Variants in DNAAF9 observed in about 807,000 individuals in gnomAD.
DNAAF9 encodes the protein shulin.
DNAAF9 carries 90 observed loss-of-function variants against 167.0 expected under a neutral mutation model. The ratio of observed to expected loss-of-function variants is 0.54; its 90% CI spans 0.45 to 0.64. The LOEUF (loss-of-function observed/expected upper bound fraction) is 0.64, where lower values mean the gene tolerates loss of function less well. Among genes scored for constraint, DNAAF9 ranks in the 30% least tolerant of loss-of-function variants. The pLI is 0.00. For missense variants in DNAAF9, 1,315 were observed against 1,442.2 expected (o/e 0.91, Z 1.43); for synonymous variants, 491 against 508.8 (o/e 0.96, Z 0.47).
At chr20:3,338,979 CTCAT>C (rs1347565441) in intron 10 of DNAAF9, among the ~76,000 whole-genome samples, 1 of 151,192 alleles carries the variant, frequency 6.6e-6, no homozygotes, top group Non-Finnish European at 1.5e-5. Context: ...TTTTTTTTCT[CTCAT>C]TGTTTTCTTC....
In DNAAF9 at chr20:3,348,558, G is replaced by A; in HGVS notation, c.756C>T (p.Phe252=). The A allele has an allele frequency of 6.2e-7, 1 of 1,602,700 alleles. No homozygotes were observed. The highest frequency in any genetic ancestry group is 1.1e-5 in the South Asian group (1 of 88,960). The stretch of plus-strand genomic sequence containing the variant: ...CCTGAGATTCTGAAAGTTCTAGCAG[G>A]AAAGGAATTTCTGTGTCAAAATTAG... ...FFANFDTEIP[F]LLELSESQAG... is the part of the protein sequence containing the mutation. Residue 252 remains phenylalanine (F), a synonymous_variant, in exon 8 of 37, where the codon TTC becomes TTT. Transcript: ENST00000252032.
intron 10 of DNAAF9, among the ~76,000 whole-genome samples, chr20:3,336,546 T>C (rs2069953919): frequency 6.6e-6 from 1 of 152,048 alleles, no homozygotes; most frequent in African/African-American, 2.4e-5. Flanking sequence ...TAAATTTGAC[T>C]ACTGTTATTT....
intron 20 of DNAAF9, among the ~76,000 whole-genome samples, chr20:3,310,333 A>AAAGAAAGAAAGAAAG (rs1555790607): frequency 8.5e-5 from 9 of 106,182 alleles, no homozygotes; most frequent in South Asian, 7.3e-4. Flanking sequence ...AAGAGAAAGA[A>AAAGAAAGAAAGAAAG]AAAGAAAGAA....
chr20:3,270,211 T>C (rs1210871160), intron 30 of DNAAF9, among the ~76,000 whole-genome samples: 4 of 150,174 alleles, frequency 2.7e-5, no homozygotes, highest in Admixed American at 1.3e-4. Flanking sequence ...GACACAATCA[T>C]TGCTCACTGC....
chr20:3,325,847 G>C (rs2069700843), intron 13 of DNAAF9, among the ~76,000 whole-genome samples: 1 of 150,698 alleles, frequency 6.6e-6, no homozygotes, highest in African/African-American at 2.4e-5. Context: ...AACTTTATTA[G>C]ATTTCACAGT....
In DNAAF9 at chr20:3,253,925, T is replaced by A. The variant is rs2068234834; in HGVS notation, c.3328-106A>T. The stretch of plus-strand genomic sequence containing the variant: ...TCCCTAGCAAGATAGACTACTCTGC[T>A]ATACAGAGGAGCTAGGAAGCTAACA... On this transcript the variant is annotated intron_variant, in intron 35 of 36. Transcript: ENST00000252032. The A allele has an allele frequency of 1.7e-4, 115 of 686,350 alleles. 2 individuals carry two copies. In the South Asian group the frequency reaches 1.8e-3, roughly 11 times the overall value. 42.5% of individuals were successfully genotyped at this position (686,350 alleles called of 1,614,324 possible).
chr20:3,371,333 CTTTTTTTTTTTT>C lies in DNAAF9; in HGVS notation c.612+2703_612+2714del, dbSNP rs532202424. Among the ~76,000 whole-genome samples the C allele has an allele frequency of 7.1e-5, 6 of 84,076 alleles. No homozygotes were observed. In the Admixed American group the frequency reaches 7.9e-4, roughly 11 times the overall value. The allele number at this position is 84,076 out of a possible 152,430, so 55.2% of individuals were successfully genotyped here. A position where few individuals can be genotyped will look rare whatever the true frequency, so the allele number is the denominator to read the frequency against. The stretch of plus-strand genomic sequence containing the variant: ...ATTATTTTTGTTCCTTGAAGAAAAT[CTTTTTTTTTTTT>C]TTTTTTTTTTTTTTTGAGACTGGAG... On this transcript the variant is annotated intron_variant, in intron 6 of 36. Coordinates refer to ENST00000252032, the MANE Select transcript of DNAAF9 (RefSeq NM_001009984.3).
At chr20:3,350,370 A>G (rs1400665696) in intron 7 of DNAAF9, among the ~76,000 whole-genome samples, 1 of 152,006 alleles carries the variant, frequency 6.6e-6, no homozygotes, top group Non-Finnish European at 1.5e-5. Flanking sequence ...GTGTTTTCTG[A>G]GTATGTTTTA....
intron 7 of DNAAF9, among the ~76,000 whole-genome samples, chr20:3,356,599 T>G (rs150657469): frequency 6.6e-6 from 1 of 152,190 alleles, no homozygotes; most frequent in African/African-American, 2.4e-5. Context: ...GCTTTTTCCC[T>G]TTTTTTTCTT....
Position 3,340,536 on chromosome 20 carries a change from T to G in DNAAF9, c.949A>C (p.Thr317Pro). 1 of 1,567,480 alleles carries G rather than the reference T, an allele frequency of 6.4e-7. No individual in the cohort carries two copies. The highest frequency in any genetic ancestry group is 1.4e-5 in the African/African-American group (1 of 72,324). Residue 317 changes from threonine (T) to proline (P), a missense_variant, in exon 10 of 37, where the codon ACT becomes CCT. Coordinates refer to ENST00000252032, the MANE Select transcript of DNAAF9 (RefSeq NM_001009984.3). ...FPSEGHLVRS[T>P]GPGGSFAKHM... ...TTGGCAAAGCTCCCGCCGGGACCAG[T>G]GCTTCGTACCAGATGTCCTTCAGAA...
chr20:3,315,199 C>G lies in DNAAF9; in HGVS notation c.1591-79G>C. 1 of 903,842 alleles carries G rather than the reference C, an allele frequency of 1.1e-6. No homozygotes were observed. The highest frequency in any genetic ancestry group is 1.8e-6 in the Non-Finnish European group (1 of 542,180). 56.0% of individuals were successfully genotyped at this position (903,842 alleles called of 1,614,324 possible). A position where few individuals can be genotyped will look rare whatever the true frequency, so the allele number is the denominator to read the frequency against. On this transcript the variant is annotated intron_variant, in intron 19 of 36. Transcript: ENST00000252032. This position sits in a 1 kb window ranked among gnomAD's most constrained non-coding sequence, Gnocchi z 4.1. ...CATAAATATTCACAGAATCAAAAGTCCTGCCCAATTATGTCCGTCTACAAA... is the reference window on the plus strand; with the variant it reads ...CATAAATATTCACAGAATCAAAAGTGCTGCCCAATTATGTCCGTCTACAAA...
chr20:3,324,064 C>A (rs778946230), intron 14 of DNAAF9, among the ~76,000 whole-genome samples: 1 of 152,110 alleles, frequency 6.6e-6, no homozygotes, highest in Non-Finnish European at 1.5e-5. Flanking sequence ...TCCAGAAGAC[C>A]CAGGGGAAAG....
At chr20:3,339,905 A>T (rs1018673050) in intron 10 of DNAAF9, among the ~76,000 whole-genome samples, 1 of 152,216 alleles carries the variant, frequency 6.6e-6, no homozygotes, top group Non-Finnish European at 1.5e-5. Context: ...ATAAACAAAC[A>T]AACAAAAAAA....
chr20:3,381,274 T>C, intron 3 of DNAAF9, 105 bp downstream of exon 3: 1 of 942,120 alleles, frequency 1.1e-6, no homozygotes, highest in South Asian at 2.3e-5. Context: ...TACTGGGGCT[T>C]TGGACTATTT....
At chr20:3,362,417 T>C (rs2083375855) in intron 6 of DNAAF9, 1 of 433,344 alleles carries the variant, frequency 2.3e-6, no homozygotes, top group Admixed American at 4.1e-5. Context: ...CTAAGTACAT[T>C]TTACATTCCA....
intron 1 of DNAAF9, among the ~76,000 whole-genome samples, chr20:3,391,426 C>T (rs1477545871): frequency 1.3e-5 from 2 of 152,044 alleles, no homozygotes; most frequent in African/African-American, 4.8e-5. Context: ...TTCTACATTA[C>T]TGCTTTTTAA....
At chr20:3,338,149 T>C (rs1568613763) in intron 10 of DNAAF9, among the ~76,000 whole-genome samples, 1 of 151,516 alleles carries the variant, frequency 6.6e-6, no homozygotes, top group East Asian at 1.9e-4. Flanking sequence ...ACAGGACAGA[T>C]CTGCTAGTGA....
intron 31 of DNAAF9, among the ~76,000 whole-genome samples, chr20:3,260,734 A>G (rs997485490): frequency 6.6e-6 from 1 of 151,608 alleles, no homozygotes; most frequent in African/African-American, 2.4e-5. Context: ...GGTTCAAGCA[A>G]TTCTCCTGCC....
chr20:3,336,518 G>T (rs1568612578), intron 10 of DNAAF9, among the ~76,000 whole-genome samples: 1 of 151,558 alleles, frequency 6.6e-6, no homozygotes, highest in Non-Finnish European at 1.5e-5. Flanking sequence ...TTGCCACTGA[G>T]CCCATTCACT....
Sources: allele counts gnomAD v4.1 joint callset (sites outside exome capture counted in the v4.1 genomes callset), GRCh38; gene constraint gnomAD v4.1.1; non-coding constraint Gnocchi (gnomAD v3.1); transcripts MANE v1.5; gene names NCBI Gene and HGNC (gene_info 2026-07-23, HGNC 2026-07-21).